CHRM3: variants seen among roughly 807,000 people sequenced by gnomAD.
CHRM3 encodes cholinergic receptor muscarinic 3.
A neutral mutation model predicts 41.8 loss-of-function variants in CHRM3; 11 were observed. The ratio of observed to expected loss-of-function variants is 0.26; its 90% confidence interval spans 0.17 to 0.44. CHRM3 has a LOEUF of 0.44. CHRM3 is among the 20% of genes least tolerant of loss of function. The pLI is 1.00. For missense variants in CHRM3, 571 were observed against 745.4 expected, an observed-to-expected ratio of 0.77 and a Z score of 2.72; for synonymous variants, 297 against 301.4, an observed-to-expected ratio of 0.99 and a Z score of 0.15.
chr1:239,778,230 CA>C (rs1369217207), intron 5 of CHRM3, among the ~76,000 whole-genome samples: 1 of 152,164 alleles, frequency 6.6e-6, no homozygotes, highest in Non-Finnish European at 1.5e-5. Context: ...AATATAGTCT[CA>C]AAACATAAAA....
intron 3 of CHRM3, among the ~76,000 whole-genome samples, chr1:239,602,955 T>C (rs780809861): frequency 1.3e-5 from 2 of 152,168 alleles, no homozygotes; most frequent in Non-Finnish European, 2.9e-5. Flanking sequence ...GCAACCAGTC[T>C]CCAGACCTTT....
intron 5 of CHRM3, among the ~76,000 whole-genome samples, chr1:239,685,701 A>G (rs765060266): frequency 5.9e-5 from 9 of 152,196 alleles, no homozygotes; most frequent in Admixed American, 2.0e-4. Flanking sequence ...GTGTGCTCAT[A>G]GTCCCAGCTA....
chr1:239,837,501 C>G (rs1212774503), intron 6 of CHRM3, among the ~76,000 whole-genome samples: 2 of 152,186 alleles, frequency 1.3e-5, no homozygotes, highest in Non-Finnish European at 2.9e-5. Context: ...GCTGCAAACC[C>G]TGACAGACAT....
chr1:239,697,800 C>G (rs1210036340), intron 5 of CHRM3, among the ~76,000 whole-genome samples: 1 of 152,184 alleles, frequency 6.6e-6, no homozygotes, highest in East Asian at 1.9e-4. Flanking sequence ...TATTTGGCCA[C>G]TTTGCTGGCA....
intron 5 of CHRM3, among the ~76,000 whole-genome samples, chr1:239,747,992 G>T (rs182306557): frequency 9.9e-5 from 15 of 152,222 alleles, no homozygotes; most frequent in African/African-American, 3.6e-4. Flanking sequence ...AGCCGAAATC[G>T]TGCCACGACT....
chr1:239,390,567 A>G (rs949099687), intron 1 of CHRM3, among the ~76,000 whole-genome samples: 1 of 151,082 alleles, frequency 6.6e-6, no homozygotes, highest in Non-Finnish European at 1.5e-5. Flanking sequence ...CCCTCCACGG[A>G]GAGGGTGTGC....
At chr1:239,557,717 A>AC (rs1660493959) in intron 3 of CHRM3, among the ~76,000 whole-genome samples, 1 of 152,116 alleles carries the variant, frequency 6.6e-6, no homozygotes, top group Non-Finnish European at 1.5e-5. Flanking sequence ...GCTCCCACTT[A>AC]TAAGTGAGAA....
chr1:239,536,729 C>T (rs762097351), intron 2 of CHRM3, among the ~76,000 whole-genome samples: 2 of 152,118 alleles, frequency 1.3e-5, no homozygotes, highest in Admixed American at 1.3e-4. Flanking sequence ...TGGCTGCCTG[C>T]CTTCTTACTG....
chr1:239,805,743 A>G (rs61542079), intron 5 of CHRM3, among the ~76,000 whole-genome samples: 14,067 of 152,142 alleles, frequency 0.092, 952 homozygotes, highest in African/African-American at 0.18. Flanking sequence ...ATATATCAGA[A>G]TATTATTGTA....
At chr1:239,747,057 G>C (rs953714177) in intron 5 of CHRM3, among the ~76,000 whole-genome samples, 1 of 151,868 alleles carries the variant, frequency 6.6e-6, no homozygotes, top group African/African-American at 2.4e-5. Context: ...CACCTGGCCT[G>C]TTACTCTATT....
At chr1:239,701,980 T>C (rs1054315094) in intron 5 of CHRM3, among the ~76,000 whole-genome samples, 1 of 152,226 alleles carries the variant, frequency 6.6e-6, no homozygotes, top group Non-Finnish European at 1.5e-5. Flanking sequence ...TCCTAATGTC[T>C]AGATAATAAT....
At chr1:239,853,149 C>T (rs184598043) in intron 6 of CHRM3, among the ~76,000 whole-genome samples, 38 of 151,770 alleles carry the variant, frequency 2.5e-4, no homozygotes, top group Non-Finnish European at 2.9e-5. Flanking sequence ...TAAAAATTAA[C>T]CTCTCAATAA....
At chr1:239,793,803 ATT>A (rs67460907) in intron 5 of CHRM3, among the ~76,000 whole-genome samples, 1,803 of 69,390 alleles carry the variant, frequency 0.026, 53 homozygotes, top group African/African-American at 0.1. Flanking sequence ...TGAAATGTGT[ATT>A]TTTTTTTTTT....
intron 5 of CHRM3, among the ~76,000 whole-genome samples, chr1:239,744,120 A>G (rs7527723): frequency 0.061 from 9,193 of 151,774 alleles, 531 homozygotes; most frequent in African/African-American, 0.15. Context: ...AGTGACTTCC[A>G]TTTTAATGGC....
At chr1:239,895,176 A>G (rs921947084) in intron 6 of CHRM3, among the ~76,000 whole-genome samples, 2 of 152,200 alleles carry the variant, frequency 1.3e-5, no homozygotes, top group Non-Finnish European at 2.9e-5. Context: ...GTTCCACGAC[A>G]ACTGCCCACG....
intron 5 of CHRM3, among the ~76,000 whole-genome samples, chr1:239,801,526 A>C (rs530017769): frequency 2.0e-5 from 3 of 152,268 alleles, no homozygotes; most frequent in South Asian, 2.1e-4. Flanking sequence ...TGTTTCTTTC[A>C]TGATAACAAT....
intron 6 of CHRM3, among the ~76,000 whole-genome samples, chr1:239,850,132 G>T (rs2149217628): frequency 6.6e-6 from 1 of 152,074 alleles, no homozygotes; most frequent in East Asian, 1.9e-4. Context: ...ATAAACAATG[G>T]ATTGACACAT....
At chr1:239,767,753 A>C (rs185411037) in intron 5 of CHRM3, among the ~76,000 whole-genome samples, 1 of 152,326 alleles carries the variant, frequency 6.6e-6, no homozygotes, top group Admixed American at 6.5e-5. Flanking sequence ...TTTCTTGCAG[A>C]AGATCACATA....
At chr1:239,609,889 A>C (rs990815970) in intron 3 of CHRM3, among the ~76,000 whole-genome samples, 9 of 152,048 alleles carry the variant, frequency 5.9e-5, no homozygotes, top group African/African-American at 2.2e-4. Context: ...AGGCCATGTA[A>C]ATATATGTTA....
Sources: allele counts gnomAD v4.1 joint callset (sites outside exome capture counted in the v4.1 genomes callset), GRCh38; gene constraint gnomAD v4.1.1; transcripts MANE v1.5; gene names NCBI Gene and HGNC (gene_info 2026-07-23, HGNC 2026-07-21).